The following DDX6 variants were observed in gnomAD, a reference collection of about 807,000 sequenced individuals.
DDX6 encodes probable ATP-dependent RNA helicase DDX6.
Under a neutral mutation model 60.6 loss-of-function variants are expected in DDX6, and 7 were observed. That is an observed-to-expected ratio of 0.12 (90% CI 0.07 to 0.22). The LOEUF is 0.22. Ranked by LOEUF, DDX6 falls within the 10% of genes least tolerant of loss-of-function variation. The probability of loss-of-function intolerance (pLI) is 1.00; values close to 1 mark genes in which losing one functional copy is unlikely to be tolerated. For synonymous variants in DDX6, 207 were observed against 201.0 expected, an observed-to-expected ratio of 1.03 and a Z score of -0.25; for missense variants, 270 against 589.9, an observed-to-expected ratio of 0.46 and a Z score of 5.62.
chr11:118,778,320 T>A (rs996106582), intron 4 of DDX6, among the ~76,000 whole-genome samples: 6 of 152,200 alleles, frequency 3.9e-5, no homozygotes, highest in Non-Finnish European at 7.3e-5. Flanking sequence ...GCTACAAGTA[T>A]CTTTGGCTAA....
chr11:118,771,930 T>C (rs896497201), intron 4 of DDX6, among the ~76,000 whole-genome samples: 1 of 152,240 alleles, frequency 6.6e-6, no homozygotes, highest in Non-Finnish European at 1.5e-5. Flanking sequence ...ATTCTAGGTA[T>C]ACAGCGAAGA....
intron 4 of DDX6, among the ~76,000 whole-genome samples, chr11:118,776,750 G>A (rs1861712788): frequency 6.6e-6 from 1 of 151,332 alleles, no homozygotes; most frequent in Non-Finnish European, 1.5e-5. Context: ...GGGGAATCGC[G>A]TGAACCCAGG....
chr11:118,773,456 C>CA (rs1555162989), intron 4 of DDX6, among the ~76,000 whole-genome samples: 1 of 152,122 alleles, frequency 6.6e-6, no homozygotes, highest in African/African-American at 2.4e-5. Flanking sequence ...CCTGCAGTCC[C>CA]AGCCACTTGG....
At chr11:118,786,550 A>T (rs2137559052) in intron 1 of DDX6, 32 bp from the exon 2 acceptor site, 1 of 251,274 alleles carries the variant, frequency 4.0e-6, no homozygotes, top group South Asian at 1.6e-4. Context: ...AAATTAGCAA[A>T]CACAACAGAA....
intron 6 of DDX6, 28 bp from the exon 7 acceptor site, chr11:118,763,334 C>T (rs932152000): frequency 2.0e-6 from 3 of 1,519,260 alleles, no homozygotes; most frequent in South Asian, 1.1e-5. Flanking sequence ...AACATACATT[C>T]TCATTAATTT....
upstream of DDX6, chr11:118,791,485 C>G (rs1862275989): frequency 1.3e-5 from 2 of 152,288 alleles, no homozygotes; most frequent in Admixed American, 6.5e-5. Flanking sequence ...TGGTGGCTGG[C>G]AAGGGTAGGC....
intron 4 of DDX6, among the ~76,000 whole-genome samples, chr11:118,768,648 C>A (rs782272767): frequency 6.6e-6 from 1 of 152,096 alleles, no homozygotes; most frequent in South Asian, 2.1e-4. Context: ...AATGGAGGAA[C>A]TCAGGCTGAC....
chr11:118,760,033 C>T lies in DDX6; in HGVS notation c.753G>A (p.Leu251=). ...TTATCTGCACAAAATCCTGTGACAG[C>T]AACTTATCTGCCTGCAGTAGAAAGA... ...QMIVLDEADK[L]LSQDFVQIME... The change falls in exon 8 of 14, where the codon TTG becomes TTA. Residue 251 remains leucine, a synonymous_variant. Coordinates refer to ENST00000534980, the MANE Select transcript of DDX6 (RefSeq NM_004397.6). 1 of 1,611,990 alleles carries T rather than the reference C, an allele frequency of 6.2e-7. No individual in the cohort carries two copies.
At chr11:118,754,538 GA>G in intron 13 of DDX6, 166 bp downstream of exon 13, 1 of 530,070 alleles carries the variant, frequency 1.9e-6, no homozygotes, top group South Asian at 3.6e-5. Context: ...ATTCTCGAAT[GA>G]GACTACAACC....
chr11:118,755,614 C>A, intron 11 of DDX6, 111 bp from the exon 12 acceptor site: 1 of 641,844 alleles, frequency 1.6e-6, no homozygotes, highest in Non-Finnish European at 2.7e-6. Context: ...TTCAGTTATT[C>A]AAATGCATTT....
chr11:118,786,138 T>C lies in DDX6; in HGVS notation c.114A>G (p.Thr38=), dbSNP rs751210505. 5 of 1,614,004 alleles carry C rather than the reference T, an allele frequency of 3.1e-6. No individual in the cohort carries two copies. Among genetic ancestry groups the C allele is most frequent in the Non-Finnish European group, 4.2e-6 (5 of 1,179,898 alleles). ...TTTTCAGCTGGTTCATCTGTTGCTGTGTCTGTGTGCCCCCTCCTCCAGGGC... is the reference window on the plus strand; with the variant it reads ...TTTTCAGCTGGTTCATCTGTTGCTGCGTCTGTGTGCCCCCTCCTCCAGGGC... ...TGGPGGGGTQ[T]QQQMNQLKNT... Residue 38 remains threonine, a synonymous_variant, in exon 2 of 14, where the codon ACA becomes ACG. Transcript: ENST00000534980.
At position 118,786,287 on chromosome 11, in the gene DDX6, A is replaced by C; in HGVS notation, c.-36T>G. On this transcript the variant is annotated 5_prime_UTR_variant, in exon 2 of 14. Transcript: ENST00000534980. Reference sequence around the variant, plus strand: ...TTGCAAAGGTCTTTCAAACTTCAAAACTTTTGAAAGTCAGTAGAGAAACTG... The same window carrying C: ...TTGCAAAGGTCTTTCAAACTTCAAACCTTTTGAAAGTCAGTAGAGAAACTG... The C allele has an allele frequency of 6.4e-7, 1 of 1,559,016 alleles. No homozygotes were observed. Among genetic ancestry groups the C allele is most frequent in the Non-Finnish European group, 8.7e-7 (1 of 1,149,198 alleles).
At position 118,752,073 on chromosome 11, in the gene DDX6, C is replaced by T. The variant is rs1236565504; in HGVS notation, c.*32G>A. ...CAAAACGATGTGTCACAGATCCAAACGAGCCTTTTGTAATTTGTCAAAGCC... is the reference window on the plus strand; with the variant it reads ...CAAAACGATGTGTCACAGATCCAAATGAGCCTTTTGTAATTTGTCAAAGCC... On this transcript the variant is annotated 3_prime_UTR_variant, in exon 14 of 14. Transcript: ENST00000534980. 3 of 222,740 alleles carry T rather than the reference C, an allele frequency of 1.3e-5. No individual in the cohort carries two copies. Among genetic ancestry groups the T allele is most frequent in the South Asian group, 5.0e-5 (1 of 20,084 alleles). The allele number at this position is 222,740 out of a possible 1,614,324, so 13.8% of individuals were successfully genotyped here. A position where few individuals can be genotyped will look rare whatever the true frequency, so the allele number is the denominator to read the frequency against.
rs529965452 is a variant in DDX6, at chr11:118,748,271, C to A, written c.*3834G>T. The A allele has an allele frequency of 6.6e-6, 1 of 152,286 alleles. No individual in the cohort carries two copies. The highest frequency in any genetic ancestry group is 2.4e-5 in the African/African-American group (1 of 41,548). The allele number at this position is 152,286 out of a possible 1,614,324, so 9.4% of individuals were successfully genotyped here. ...GGATGGGCAGAGTCCAGGTGCCAGG[C>A]TAGCTCCCTCTGACCTCATGAACTG... is the stretch of plus-strand genomic sequence containing the variant. On this transcript the variant is annotated 3_prime_UTR_variant, in exon 14 of 14. Transcript: ENST00000534980.
intron 8 of DDX6, 24 bp downstream of exon 8, chr11:118,759,898 T>C: frequency 1.9e-6 from 3 of 1,605,190 alleles, no homozygotes; most frequent in Non-Finnish European, 2.5e-6. Flanking sequence ...ATGGCACTGA[T>C]TCCAAGTACA....
chr11:118,770,741 T>C (rs1486314626), intron 4 of DDX6, among the ~76,000 whole-genome samples: 2 of 151,142 alleles, frequency 1.3e-5, no homozygotes, highest in African/African-American at 2.4e-5. Context: ...AATACAAAAA[T>C]GGTCATGGTG....
Position 118,778,215 on chromosome 11 carries a change from T to C in DDX6, c.369+1417A>G, listed in dbSNP as rs188623604. ...AAGAATCACCAATGGGTGCTAAAAC[T>C]AGGGGGGAAATTTTGTTATTTTTTT... On this transcript the variant is annotated intron_variant, in intron 4 of 13. Coordinates refer to ENST00000534980, the MANE Select transcript of DDX6 (RefSeq NM_004397.6). Among the ~76,000 whole-genome samples, 44 of 152,080 alleles carry C rather than the reference T, an allele frequency of 2.9e-4. No individual in the cohort carries two copies. The East Asian group carries it at 4.8e-3, about 17-fold the overall frequency.
Position 118,749,119 on chromosome 11 carries a change from CA to C in DDX6, c.*2985del, listed in dbSNP as rs1243149183. The C allele has an allele frequency of 1.3e-5, 2 of 151,944 alleles. No individual in the cohort carries two copies. Among genetic ancestry groups the C allele is most frequent in the Non-Finnish European group, 2.9e-5 (2 of 67,986 alleles). The allele number at this position is 151,944 out of a possible 1,614,324, so 9.4% of individuals were successfully genotyped here. A position where few individuals can be genotyped will look rare whatever the true frequency, so the allele number is the denominator to read the frequency against. ...TCAGAATATATGGGGAAAGAAAAAA[CA>C]TAGGCCTAGAGGTGGTAAGGTGTGT... On this transcript the variant is annotated 3_prime_UTR_variant, in exon 14 of 14. Coordinates refer to ENST00000534980, the MANE Select transcript of DDX6 (RefSeq NM_004397.6).
At chr11:118,757,409 T>A (rs567333749) in intron 9 of DDX6, 122 bp from the exon 10 acceptor site, 3 of 521,312 alleles carry the variant, frequency 5.8e-6, no homozygotes, top group African/African-American at 4.0e-5. Context: ...TAGAATCTCA[T>A]GATATGAGAG....
Sources: gnomAD v4.1 joint callset for allele counts (sites outside exome capture counted in the v4.1 genomes callset) on GRCh38, gnomAD v4.1.1 for gene constraint, MANE v1.5 for transcripts, NCBI Gene and HGNC (gene_info 2026-07-23, HGNC 2026-07-21) for gene names.